ADAM10: variants seen among roughly 807,000 people sequenced by gnomAD.
ADAM10 encodes the protein disintegrin and metalloproteinase domain-containing protein 10.
Under a neutral mutation model 90.1 loss-of-function variants are expected in ADAM10, and 17 were observed. That is an observed-to-expected ratio of 0.19 (90% CI 0.13 to 0.28). ADAM10 has a LOEUF of 0.28. Among genes scored for constraint, ADAM10 ranks in the 10% least tolerant of loss-of-function variants. The probability of loss-of-function intolerance (pLI) is 1.00; values close to 1 mark genes in which losing one functional copy is unlikely to be tolerated. For missense variants in ADAM10, 610 were observed against 914.3 expected (o/e 0.67, Z 4.29); for synonymous variants, 310 against 298.6 (o/e 1.04, Z -0.40).
At chr15:58,724,975 G>C (rs974600361) in intron 1 of ADAM10, among the ~76,000 whole-genome samples, 1 of 151,722 alleles carries the variant, frequency 6.6e-6, no homozygotes, top group Admixed American at 6.6e-5. Context: ...TGGATTGCTT[G>C]AGCCCAGGAG....
At chr15:58,617,251 A>G (rs1895642682) in intron 11 of ADAM10, among the ~76,000 whole-genome samples, 2 of 152,146 alleles carry the variant, frequency 1.3e-5, no homozygotes, top group African/African-American at 4.8e-5. Flanking sequence ...AGGAGACGTT[A>G]TAACTGATAC....
At chr15:58,634,992 T>A (rs1204670056) in intron 8 of ADAM10, among the ~76,000 whole-genome samples, 2 of 151,882 alleles carry the variant, frequency 1.3e-5, no homozygotes, top group Non-Finnish European at 2.9e-5. Flanking sequence ...AATAAATATA[T>A]GGCAACAAAA....
intron 8 of ADAM10, 38 bp downstream of exon 8, chr15:58,640,739 A>T (rs753590475): frequency 6.3e-7 from 1 of 1,591,860 alleles, no homozygotes; most frequent in East Asian, 2.2e-5. Flanking sequence ...CCTTTGTTTC[A>T]AGTAGTAAGT....
At chr15:58,678,124 A>AG (rs1237055825) in intron 4 of ADAM10, among the ~76,000 whole-genome samples, 51 of 152,190 alleles carry the variant, frequency 3.4e-4, no homozygotes, top group Non-Finnish European at 5.3e-4. Flanking sequence ...ATGAAAATAC[A>AG]GGGAAGTAGC....
intron 2 of ADAM10, chr15:58,691,242 A>C (rs748547558): frequency 3.2e-6 from 3 of 947,510 alleles, no homozygotes; most frequent in Admixed American, 1.8e-5. Flanking sequence ...CTCCTCCATT[A>C]TCTTCTTCTC....
intron 2 of ADAM10, among the ~76,000 whole-genome samples, chr15:58,695,308 A>G (rs1199393854): frequency 1.3e-5 from 2 of 152,220 alleles, no homozygotes; most frequent in Non-Finnish European, 2.9e-5. Flanking sequence ...AAACTTAAAA[A>G]TAGACTCTCC....
Position 58,596,001 on chromosome 15 carries a change from A to G in ADAM10, c.*1546T>C, listed in dbSNP as rs1232843525. ...CCACATACTGTACAAGTTTACAAGG[A>G]AGAGATCCCGTTATTTTCTCTAGCA... On this transcript the variant is annotated 3_prime_UTR_variant, in exon 16 of 16. Coordinates refer to ENST00000260408, the MANE Select transcript of ADAM10 (RefSeq NM_001110.4). The G allele has an allele frequency of 2.6e-5, 4 of 152,170 alleles. No individual in the cohort carries two copies. The East Asian group carries it at 7.7e-4, about 29-fold the overall frequency. The allele number at this position is 152,170 out of a possible 1,614,324, so 9.4% of individuals were successfully genotyped here. A position where few individuals can be genotyped will look rare whatever the true frequency, so the allele number is the denominator to read the frequency against.
At chr15:58,660,652 A>G (rs1282471245) in intron 5 of ADAM10, among the ~76,000 whole-genome samples, 2 of 152,058 alleles carry the variant, frequency 1.3e-5, no homozygotes, top group Non-Finnish European at 2.9e-5. Flanking sequence ...TATTTATCCC[A>G]TCAGTTTTTT....
chr15:58,703,402 T>C (rs1309957011), intron 2 of ADAM10, among the ~76,000 whole-genome samples: 1 of 151,158 alleles, frequency 6.6e-6, no homozygotes, highest in Non-Finnish European at 1.5e-5. Context: ...TGCACATCAA[T>C]GTTCATAGCA....
intron 9 of ADAM10, among the ~76,000 whole-genome samples, chr15:58,631,326 C>T (rs1365176234): frequency 3.3e-5 from 5 of 152,118 alleles, no homozygotes; most frequent in Non-Finnish European, 7.4e-5. Flanking sequence ...ACAACATGTG[C>T]AAAAGAATGG....
chr15:58,614,463 T>TA (rs1386219018), intron 11 of ADAM10, among the ~76,000 whole-genome samples: 1 of 152,108 alleles, frequency 6.6e-6, no homozygotes, highest in Non-Finnish European at 1.5e-5. Flanking sequence ...AGGGAGCATC[T>TA]ATTAGACTAG....
intron 11 of ADAM10, among the ~76,000 whole-genome samples, chr15:58,619,809 C>G (rs1206891879): frequency 1.3e-5 from 2 of 151,734 alleles, no homozygotes; most frequent in African/African-American, 4.8e-5. Flanking sequence ...GAGGCTGAGG[C>G]AAGAGAATGG....
rs1898575020 is a variant in ADAM10, at chr15:58,714,235, T to C, written c.206+3342A>G. 2.0e-5 allele frequency among the ~76,000 whole-genome samples: 3 copies of C among 152,128 alleles called. No individual in the cohort carries two copies. The South Asian group carries it at 6.2e-4, about 31-fold the overall frequency. On this transcript the variant is annotated intron_variant, in intron 2 of 15. Coordinates refer to ENST00000260408, the MANE Select transcript of ADAM10 (RefSeq NM_001110.4). The stretch of plus-strand genomic sequence containing the variant: ...ACTTGGAAGCCATGCTGAAAGTGTG[T>C]TCATGTGCTTAGACATAAAAACCAC...
chr15:58,748,541 T>C (rs1431780407), intron 1 of ADAM10: 2 of 170,178 alleles, frequency 1.2e-5, no homozygotes, highest in Non-Finnish European at 2.5e-5. Context: ...AGAAATGACA[T>C]GCTTTTAGCA....
intron 2 of ADAM10, among the ~76,000 whole-genome samples, chr15:58,697,622 A>C (rs1276991954): frequency 6.6e-6 from 1 of 152,066 alleles, no homozygotes; most frequent in Non-Finnish European, 1.5e-5. Context: ...ATCAGCACAG[A>C]CCACCTGGGA....
intron 5 of ADAM10, among the ~76,000 whole-genome samples, chr15:58,656,354 GT>G (rs1243255337): frequency 6.6e-6 from 1 of 151,630 alleles, no homozygotes; most frequent in Non-Finnish European, 1.5e-5. Context: ...CTGCCACTTT[GT>G]TTTTTTGTTT....
chr15:58,594,990 C>G lies in ADAM10; in HGVS notation c.*2557G>C, dbSNP rs1323789062. The G allele has an allele frequency of 6.6e-6, 1 of 152,130 alleles. No homozygotes were observed. Among genetic ancestry groups the G allele is most frequent in the Non-Finnish European group, 1.5e-5 (1 of 67,986 alleles). 9.4% of individuals were successfully genotyped at this position (152,130 alleles called of 1,614,324 possible). A position where few individuals can be genotyped will look rare whatever the true frequency, so the allele number is the denominator to read the frequency against. On this transcript the variant is annotated 3_prime_UTR_variant, in exon 16 of 16. Coordinates refer to ENST00000260408, the MANE Select transcript of ADAM10 (RefSeq NM_001110.4). ...TCTAGGTAACACTGAAATGTCAATT[C>G]TCTCCTTATTTGCTATGAAGAGAAA...
intron 2 of ADAM10, among the ~76,000 whole-genome samples, chr15:58,710,860 T>A (rs917082384): frequency 2.0e-5 from 3 of 152,234 alleles, no homozygotes; most frequent in African/African-American, 7.2e-5. Flanking sequence ...TGCTGGTTTG[T>A]CTACAGATTT....
At chr15:58,626,941 A>G (rs887086891) in intron 10 of ADAM10, among the ~76,000 whole-genome samples, 7 of 152,296 alleles carry the variant, frequency 4.6e-5, no homozygotes, top group South Asian at 2.1e-4. Flanking sequence ...AGAACTGTAC[A>G]TTTAAAATCA....
Sources: gnomAD v4.1 joint callset for allele counts (sites outside exome capture counted in the v4.1 genomes callset) on GRCh38, gnomAD v4.1.1 for gene constraint, MANE v1.5 for transcripts, NCBI Gene and HGNC (gene_info 2026-07-23, HGNC 2026-07-21) for gene names.